The following WWOX variants were observed in gnomAD, a reference collection of about 807,000 sequenced individuals.
WWOX encodes WW domain-containing oxidoreductase.
In WWOX, 69 loss-of-function variants were observed where a neutral mutation model predicts 46.2. The observed-to-expected ratio is 1.49, with a 90% CI of 1.23 to 1.82. The LOEUF (loss-of-function observed/expected upper bound fraction) is 1.82. Among genes scored for constraint, WWOX ranks in the 40% most tolerant of loss-of-function variants. The pLI is 0.00. For synonymous variants in WWOX, 359 were observed against 202.6 expected (o/e 1.77, Z -6.56); for missense variants, 919 against 542.6 (o/e 1.69, Z -6.89).
chr16:78,821,453 G>A lies in WWOX; in HGVS notation c.1056+388701G>A, dbSNP rs1406372009. ...ACCCGGTGGCTAATAAAGTAGATGA[G>A]TTTCAGGATTGCAAAATATTGTGAT... On this transcript the variant is annotated intron_variant, in intron 8 of 8. Coordinates refer to ENST00000566780, the MANE Select transcript of WWOX (RefSeq NM_016373.4). 1.3e-5 allele frequency among the ~76,000 whole-genome samples: 2 copies of A among 152,152 alleles called. 1 individual carries two copies. The highest frequency in any genetic ancestry group is 4.1e-4 in the South Asian group (2 of 4,822).
At chr16:78,914,305 G>C (rs2151259700) in intron 8 of WWOX, among the ~76,000 whole-genome samples, 1 of 152,068 alleles carries the variant, frequency 6.6e-6, no homozygotes, top group South Asian at 2.1e-4. Flanking sequence ...AGAGAGCAGG[G>C]ACCTCATCTG....
At position 78,904,950 on chromosome 16, in the gene WWOX, G is replaced by T. The variant is rs376151686; in HGVS notation, c.1057-306658G>T. ...GGTGCCCCTGTTGGTTTTCCAAATT[G>T]TCTTCCCATCCTTATCCTACCTCCC... On this transcript the variant is annotated intron_variant, in intron 8 of 8. Transcript: ENST00000566780. Among the ~76,000 whole-genome samples the T allele has an allele frequency of 2.0e-5, 3 of 152,154 alleles. No homozygotes were observed. The East Asian group carries it at 5.8e-4, about 29-fold the overall frequency.
intron 8 of WWOX, among the ~76,000 whole-genome samples, chr16:78,970,325 T>C (rs573708749): frequency 5.5e-4 from 83 of 152,216 alleles, no homozygotes; most frequent in Non-Finnish European, 9.4e-4. Context: ...TAAACTCCAT[T>C]TGGACTTTCT....
chr16:78,226,024 A>T (rs999101146), intron 5 of WWOX, among the ~76,000 whole-genome samples: 5 of 152,236 alleles, frequency 3.3e-5, no homozygotes, highest in African/African-American at 1.2e-4. Context: ...TCTTAAAAAA[A>T]CAAAACAAAA....
At chr16:78,200,649 G>A (rs949737135) in intron 5 of WWOX, among the ~76,000 whole-genome samples, 3 of 150,986 alleles carry the variant, frequency 2.0e-5, no homozygotes, top group Non-Finnish European at 4.4e-5. Flanking sequence ...TTAGGCCCTG[G>A]GGAATTTTTG....
chr16:78,497,807 T>C (rs1238058831), intron 8 of WWOX, among the ~76,000 whole-genome samples: 1 of 151,424 alleles, frequency 6.6e-6, no homozygotes, highest in Non-Finnish European at 1.5e-5. Context: ...GGTTGTTTTA[T>C]CATAAATAAA....
At chr16:79,149,955 T>A (rs576231355) in intron 8 of WWOX, among the ~76,000 whole-genome samples, 1 of 152,350 alleles carries the variant, frequency 6.6e-6, no homozygotes, top group South Asian at 2.1e-4. Flanking sequence ...CAGATGCCGA[T>A]GACCAGTAAG....
In WWOX at chr16:78,902,554, C is replaced by T. The variant is rs1217301950; in HGVS notation, c.1057-309054C>T. ...CTTCCCCCGTGACTGCTGCGGGGGC[C>T]TAGGCCAAAGATATGCCCGAGTAGA... On this transcript the variant is annotated intron_variant, in intron 8 of 8. Transcript: ENST00000566780. 2.0e-5 allele frequency among the ~76,000 whole-genome samples: 3 copies of T among 152,212 alleles called. No homozygotes were observed. In the East Asian group the frequency reaches 5.8e-4, roughly 29 times the overall value.
intron 4 of WWOX, among the ~76,000 whole-genome samples, chr16:78,149,893 C>A (rs1435153365): frequency 1.3e-5 from 2 of 152,184 alleles, no homozygotes; most frequent in African/African-American, 4.8e-5. Context: ...TTCCTCTTCT[C>A]TCATACAGAG....
At chr16:78,953,465 CTCTA>C (rs201745659) in intron 8 of WWOX, among the ~76,000 whole-genome samples, 2 of 143,258 alleles carry the variant, frequency 1.4e-5, no homozygotes, top group Non-Finnish European at 3.0e-5. Flanking sequence ...CTCTGCCCCA[CTCTA>C]TGTATGCAGT....
intron 8 of WWOX, among the ~76,000 whole-genome samples, chr16:79,095,559 A>C (rs2049050944): frequency 6.6e-6 from 1 of 152,162 alleles, no homozygotes; most frequent in Non-Finnish European, 1.5e-5. Flanking sequence ...GGGAGCTGAC[A>C]TTGCATAAAT....
intron 8 of WWOX, among the ~76,000 whole-genome samples, chr16:79,052,067 T>A (rs1037010517): frequency 6.6e-6 from 1 of 152,072 alleles, no homozygotes; most frequent in Non-Finnish European, 1.5e-5. Flanking sequence ...ACTTTAAGTT[T>A]TAGGGTACAT....
intron 4 of WWOX, among the ~76,000 whole-genome samples, chr16:78,156,831 C>T (rs537349015): frequency 3.9e-4 from 60 of 152,226 alleles, no homozygotes; most frequent in Non-Finnish European, 6.3e-4. Flanking sequence ...GACTGAGACA[C>T]GAGAATCGCT....
intron 8 of WWOX, among the ~76,000 whole-genome samples, chr16:78,449,911 A>C (rs1012569137): frequency 6.7e-6 from 1 of 148,804 alleles, no homozygotes; most frequent in African/African-American, 2.4e-5. Context: ...TTTTTTTTTT[A>C]AGCCATAAAG....
intron 8 of WWOX, among the ~76,000 whole-genome samples, chr16:78,667,755 T>C (rs1328285565): frequency 6.6e-6 from 1 of 151,836 alleles, no homozygotes; most frequent in Non-Finnish European, 1.5e-5. Context: ...ATTGTTCAAA[T>C]GAACTCATTT....
chr16:78,103,952 C>T (rs965023167), intron 1 of WWOX, among the ~76,000 whole-genome samples: 1 of 152,078 alleles, frequency 6.6e-6, no homozygotes, highest in African/African-American at 2.4e-5. Flanking sequence ...CCAGGGTGGG[C>T]TCCCAGGGGT....
intron 8 of WWOX, among the ~76,000 whole-genome samples, chr16:78,523,581 G>C (rs543002848): frequency 1.3e-5 from 2 of 152,348 alleles, no homozygotes; most frequent in South Asian, 4.1e-4. Flanking sequence ...TCTGATGGAG[G>C]TGGGGGAAGA....
Position 78,832,681 on chromosome 16 carries a change from G to T in WWOX, c.1057-378927G>T, listed in dbSNP as rs13338210. Among the ~76,000 whole-genome samples, 1,352 of 152,232 alleles carry T rather than the reference G, an allele frequency of 8.9e-3. 17 individuals carry two copies. Among genetic ancestry groups the T allele is most frequent in the African/African-American group, 0.03 (1,227 of 41,520 alleles). ...TAGTGTGAATCCATGTCCTGTGGTGGCCCTCTCAGGAGGGATTGTGATTAA... is the reference window on the plus strand; with the variant it reads ...TAGTGTGAATCCATGTCCTGTGGTGTCCCTCTCAGGAGGGATTGTGATTAA... On this transcript the variant is annotated intron_variant, in intron 8 of 8. Coordinates refer to ENST00000566780, the MANE Select transcript of WWOX (RefSeq NM_016373.4).
At chr16:78,454,773 A>T (rs1292816631) in intron 8 of WWOX, among the ~76,000 whole-genome samples, 2 of 152,172 alleles carry the variant, frequency 1.3e-5, no homozygotes, top group Non-Finnish European at 2.9e-5. Flanking sequence ...CTGGGATTGC[A>T]GGCTTGAGCC....
Sources: allele counts gnomAD v4.1 joint callset (sites outside exome capture counted in the v4.1 genomes callset), GRCh38; gene constraint gnomAD v4.1.1; transcripts MANE v1.5; gene names NCBI Gene and HGNC (gene_info 2026-07-23, HGNC 2026-07-21).